ZNF385D: variants seen among roughly 807,000 people sequenced by gnomAD.
The protein encoded by ZNF385D is zinc finger protein 659.
Under a neutral mutation model 35.8 loss-of-function variants are expected in ZNF385D, and 15 were observed. The observed-to-expected ratio is 0.42, with a 90% CI of 0.28 to 0.64. The LOEUF is 0.64. ZNF385D is among the 30% of genes least tolerant of loss of function. The pLI is 0.23. For synonymous variants in ZNF385D, 212 were observed against 186.8 expected, an observed-to-expected ratio of 1.13 and a Z score of -1.10; for missense variants, 474 against 494.6, an observed-to-expected ratio of 0.96 and a Z score of 0.39.
chr3:21,990,582 T>G (rs971385038), intron 3 of ZNF385D, among the ~76,000 whole-genome samples: 3 of 152,228 alleles, frequency 2.0e-5, no homozygotes, highest in Non-Finnish European at 2.9e-5. Context: ...GTACTTAATA[T>G]ATGATGTATG....
intron 2 of ZNF385D, among the ~76,000 whole-genome samples, chr3:21,567,968 T>G (rs1449708623): frequency 3.3e-5 from 5 of 152,148 alleles, no homozygotes; most frequent in Admixed American, 2.0e-4. Flanking sequence ...TTGAATTGAA[T>G]GATGTTCTGA....
At chr3:21,898,479 T>C (rs1354818980) in intron 3 of ZNF385D, among the ~76,000 whole-genome samples, 1 of 152,130 alleles carries the variant, frequency 6.6e-6, no homozygotes, top group Non-Finnish European at 1.5e-5. Flanking sequence ...TTTCTATGTA[T>C]AGTTCTGTAT....
At chr3:22,250,410 G>C (rs1287682923) in intron 2 of ZNF385D, among the ~76,000 whole-genome samples, 4 of 151,938 alleles carry the variant, frequency 2.6e-5, no homozygotes, top group Non-Finnish European at 5.9e-5. Flanking sequence ...TCCCTAAGCA[G>C]GTTGATAAGC....
intron 2 of ZNF385D, among the ~76,000 whole-genome samples, chr3:22,180,914 C>CTTTTT (rs61668943): frequency 1.8e-4 from 20 of 113,008 alleles, no homozygotes; most frequent in African/African-American, 5.0e-4. Context: ...TGCTTTTGTT[C>CTTTTT]TTTTTTTTTT....
chr3:22,345,370 G>A (rs187383647), intron 2 of ZNF385D, among the ~76,000 whole-genome samples: 44 of 152,242 alleles, frequency 2.9e-4, no homozygotes, highest in Admixed American at 2.6e-3. Context: ...ATGACTGAAA[G>A]CTGTGTAATT....
intron 4 of ZNF385D, among the ~76,000 whole-genome samples, chr3:21,453,311 A>G (rs557298624): frequency 1.4e-4 from 21 of 152,018 alleles, no homozygotes; most frequent in Non-Finnish European, 2.4e-4. Context: ...GTATTAGGCA[A>G]TGGTTTCTTA....
chr3:22,151,317 A>G (rs1341162573), intron 3 of ZNF385D, among the ~76,000 whole-genome samples: 3 of 152,130 alleles, frequency 2.0e-5, no homozygotes, highest in Non-Finnish European at 4.4e-5. Flanking sequence ...AGAAAGAGAG[A>G]AAGAAAATGT....
At chr3:21,671,286 A>G (rs1278450160) in intron 1 of ZNF385D, among the ~76,000 whole-genome samples, 1 of 152,092 alleles carries the variant, frequency 6.6e-6, no homozygotes, top group East Asian at 1.9e-4. Context: ...TTTATGAAAA[A>G]TAAAGCTCTC....
At chr3:21,945,361 C>A (rs189894719) in intron 3 of ZNF385D, among the ~76,000 whole-genome samples, 5 of 151,944 alleles carry the variant, frequency 3.3e-5, no homozygotes, top group Non-Finnish European at 7.4e-5. Context: ...TTCATGCATG[C>A]AAAATGCATG....
chr3:21,919,053 G>T (rs1700327891), intron 3 of ZNF385D, among the ~76,000 whole-genome samples: 1 of 152,176 alleles, frequency 6.6e-6, no homozygotes, highest in Admixed American at 6.5e-5. Context: ...TAGTATCGTG[G>T]ACATGGTCTT....
intron 1 of ZNF385D, among the ~76,000 whole-genome samples, chr3:21,720,657 T>A (rs73046250): frequency 0.05 from 7,613 of 152,294 alleles, 293 homozygotes; most frequent in East Asian, 0.14. Flanking sequence ...GCTCTCTGAG[T>A]GATTCTGCTG....
At chr3:21,806,487 G>A (rs144643125) in intron 3 of ZNF385D, among the ~76,000 whole-genome samples, 4,265 of 152,084 alleles carry the variant, frequency 0.028, 177 homozygotes, top group African/African-American at 0.095. Context: ...TTACAGGCGT[G>A]AGCCACCGCG....
At chr3:21,427,207 G>C (rs1043477283) in intron 5 of ZNF385D, among the ~76,000 whole-genome samples, 4 of 152,148 alleles carry the variant, frequency 2.6e-5, no homozygotes, top group Non-Finnish European at 5.9e-5. Flanking sequence ...AGAAAAAATA[G>C]TCCTAGGGAG....
intron 2 of ZNF385D, among the ~76,000 whole-genome samples, chr3:21,584,009 T>G (rs910747986): frequency 6.9e-6 from 1 of 144,050 alleles, no homozygotes; most frequent in African/African-American, 2.5e-5. Context: ...GAGTTTTGCC[T>G]GTCGCCCAGG....
chr3:21,931,169 CTAAT>C (rs948508238), intron 3 of ZNF385D, among the ~76,000 whole-genome samples: 6 of 152,028 alleles, frequency 3.9e-5, no homozygotes, highest in African/African-American at 1.4e-4. Flanking sequence ...ATACAAATGT[CTAAT>C]TAATAAGCAC....
At chr3:21,777,208 T>C (rs1278339688) in intron 3 of ZNF385D, among the ~76,000 whole-genome samples, 1 of 152,098 alleles carries the variant, frequency 6.6e-6, no homozygotes, top group Non-Finnish European at 1.5e-5. Context: ...TTTAAAATAA[T>C]TGCATTTTGA....
intron 7 of ZNF385D, among the ~76,000 whole-genome samples, chr3:21,423,479 G>A (rs1425464988): frequency 2.0e-5 from 3 of 152,122 alleles, no homozygotes; most frequent in East Asian, 1.9e-4. Flanking sequence ...ACAATGTCAG[G>A]AGGTTTCACA....
At chr3:21,993,307 G>C (rs1695259129) in intron 3 of ZNF385D, among the ~76,000 whole-genome samples, 2 of 152,096 alleles carry the variant, frequency 1.3e-5, no homozygotes, top group Non-Finnish European at 2.9e-5. Context: ...ATGTTTCCTT[G>C]AGTTGTTTTA....
intron 3 of ZNF385D, among the ~76,000 whole-genome samples, chr3:21,881,501 C>T (rs1698274091): frequency 6.6e-6 from 1 of 151,912 alleles, no homozygotes; most frequent in Non-Finnish European, 1.5e-5. Context: ...GAAAAAGATT[C>T]CTTTTAAAAT....
Sources: allele counts gnomAD v4.1 joint callset (sites outside exome capture counted in the v4.1 genomes callset), GRCh38; gene constraint gnomAD v4.1.1; transcripts MANE v1.5; gene names NCBI Gene and HGNC (gene_info 2026-07-23, HGNC 2026-07-21).